PTPRT: variants seen among roughly 807,000 people sequenced by gnomAD.
PTPRT encodes protein tyrosine phosphatase receptor type T.
A neutral mutation model predicts 176.8 loss-of-function variants in PTPRT; 56 were observed. The observed-to-expected ratio is 0.32, with a 90% CI of 0.26 to 0.40. The LOEUF (loss-of-function observed/expected upper bound fraction) is 0.40, where lower values mean the gene tolerates loss of function less well. PTPRT is among the 10% of genes least tolerant of loss of function. The probability of loss-of-function intolerance (pLI) is 1.00; values close to 1 mark genes in which losing one functional copy is unlikely to be tolerated. For synonymous variants in PTPRT, 783 were observed against 739.0 expected, an observed-to-expected ratio of 1.06 and a Z score of -0.96; for missense variants, 1,540 against 1,908.2, an observed-to-expected ratio of 0.81 and a Z score of 3.60.
chr20:42,602,179 T>A (rs1354879173), intron 7 of PTPRT, among the ~76,000 whole-genome samples: 1 of 152,196 alleles, frequency 6.6e-6, no homozygotes, highest in Non-Finnish European at 1.5e-5. Flanking sequence ...TCTGGGCCAC[T>A]AACACATTCA....
At chr20:42,587,917 C>T (rs1191664385) in intron 7 of PTPRT, among the ~76,000 whole-genome samples, 1 of 152,148 alleles carries the variant, frequency 6.6e-6, no homozygotes, top group Non-Finnish European at 1.5e-5. Context: ...AAATTAGATG[C>T]CTTCTGAAGA....
chr20:42,697,454 T>C (rs1294912480), intron 6 of PTPRT, among the ~76,000 whole-genome samples: 1 of 152,214 alleles, frequency 6.6e-6, no homozygotes, highest in Non-Finnish European at 1.5e-5. Flanking sequence ...AAGGAAGACA[T>C]TAACTTGCAA....
intron 1 of PTPRT, among the ~76,000 whole-genome samples, chr20:42,955,268 C>A (rs762976648): frequency 2.6e-5 from 4 of 152,188 alleles, no homozygotes; most frequent in Non-Finnish European, 5.9e-5. Flanking sequence ...CTTGGTTACT[C>A]TAGGTTACTG....
At chr20:42,921,050 T>A (rs893400591) in intron 1 of PTPRT, among the ~76,000 whole-genome samples, 4 of 152,168 alleles carry the variant, frequency 2.6e-5, no homozygotes, top group African/African-American at 7.2e-5. Context: ...ATGCTCATGA[T>A]GAAATGTTAA....
At chr20:42,359,619 CT>C (rs1408713164) in intron 9 of PTPRT, among the ~76,000 whole-genome samples, 2 of 152,218 alleles carry the variant, frequency 1.3e-5, no homozygotes, top group African/African-American at 2.4e-5. Flanking sequence ...ACTTACCAAG[CT>C]TTAAGCGACT....
intron 2 of PTPRT, among the ~76,000 whole-genome samples, chr20:42,811,835 T>G (rs2077702340): frequency 6.6e-6 from 1 of 152,210 alleles, no homozygotes; most frequent in Non-Finnish European, 1.5e-5. Context: ...TCTGCATTCA[T>G]GAATCTTTTA....
the PTPRT span, among the ~76,000 whole-genome samples, chr20:42,044,152 G>A: frequency 2.2e-4 from 34 of 152,218 alleles, no homozygotes; most frequent in Non-Finnish European, 8.8e-5. Context: ...TTTCCCAGAA[G>A]GAGGGGTAAG....
At chr20:42,452,248 A>G (rs1260331665) in intron 8 of PTPRT, among the ~76,000 whole-genome samples, 2 of 151,224 alleles carry the variant, frequency 1.3e-5, no homozygotes, top group Non-Finnish European at 3.0e-5. Context: ...CAGCCTAGTG[A>G]CAGACTGAGA....
chr20:42,377,090 C>G (rs182453398), intron 9 of PTPRT, among the ~76,000 whole-genome samples: 1 of 152,298 alleles, frequency 6.6e-6, no homozygotes, highest in Admixed American at 6.5e-5. Context: ...CCTTTGATAA[C>G]TTGGATAAAT....
chr20:42,558,989 G>A (rs1003390791), intron 7 of PTPRT, among the ~76,000 whole-genome samples: 11 of 152,162 alleles, frequency 7.2e-5, no homozygotes, highest in Non-Finnish European at 1.5e-4. Context: ...TCAAGGCTGT[G>A]TGAGTTTTCT....
At chr20:42,559,159 A>T (rs1456433077) in intron 7 of PTPRT, among the ~76,000 whole-genome samples, 1 of 152,164 alleles carries the variant, frequency 6.6e-6, no homozygotes, top group Non-Finnish European at 1.5e-5. Context: ...ATCTATATAA[A>T]TTTCTGCAAA....
chr20:42,146,683 C>T (rs576000601), intron 17 of PTPRT, among the ~76,000 whole-genome samples: 1,818 of 152,286 alleles, frequency 0.012, 17 homozygotes, highest in Middle Eastern at 0.034. Flanking sequence ...GGTTTGTCCC[C>T]TCCAATCCAT....
chr20:42,664,969 A>C (rs1485006362), intron 7 of PTPRT, among the ~76,000 whole-genome samples: 6 of 152,366 alleles, frequency 3.9e-5, no homozygotes, highest in South Asian at 2.1e-4. Flanking sequence ...TAAAGACTTA[A>C]ATGTTAGATC....
intron 6 of PTPRT, among the ~76,000 whole-genome samples, chr20:42,742,912 G>A (rs1055470637): frequency 1.3e-5 from 2 of 152,132 alleles, no homozygotes; most frequent in African/African-American, 4.8e-5. Context: ...AGGTTTGCCT[G>A]CTTCTAAAGT....
rs2075367469 is a variant in PTPRT at position 42,668,943 on chromosome 20, C to G, written c.1153+8923G>C. On this transcript the variant is annotated intron_variant, in intron 7 of 30. Transcript: ENST00000373187. ...GCCAGGATGGTCTCGATCTCCTGAC[C>G]TCATGATCCGCCCGCCTCGGCCTCC... 5.4e-5 allele frequency among the ~76,000 whole-genome samples: 8 copies of G among 148,876 alleles called. No individual in the cohort carries two copies. In the South Asian group the frequency reaches 1.7e-3, roughly 32 times the overall value.
At chr20:42,575,267 A>C (rs1043037864) in intron 7 of PTPRT, among the ~76,000 whole-genome samples, 1 of 152,182 alleles carries the variant, frequency 6.6e-6, no homozygotes, top group African/African-American at 2.4e-5. Flanking sequence ...AAGCAAGGTC[A>C]AGGTTTTGGA....
intron 7 of PTPRT, among the ~76,000 whole-genome samples, chr20:42,572,620 A>G (rs1343042558): frequency 6.6e-6 from 1 of 152,190 alleles, no homozygotes; most frequent in East Asian, 1.9e-4. Context: ...GGCAAGGTCC[A>G]CTTCTCATGC....
chr20:42,915,551 C>T (rs1165880948), intron 1 of PTPRT, among the ~76,000 whole-genome samples: 1 of 152,222 alleles, frequency 6.6e-6, no homozygotes, highest in Non-Finnish European at 1.5e-5. Flanking sequence ...CTTAAGAGTA[C>T]TCCTCACAGC....
chr20:42,051,236 G>A, the PTPRT span, among the ~76,000 whole-genome samples: 1 of 152,190 alleles, frequency 6.6e-6, no homozygotes, highest in African/African-American at 2.4e-5. Context: ...CAGTGTGTCA[G>A]TGTGTCAGTG....
Sources: gnomAD v4.1 joint callset for allele counts (sites outside exome capture counted in the v4.1 genomes callset) on GRCh38, gnomAD v4.1.1 for gene constraint, MANE v1.5 for transcripts, NCBI Gene and HGNC (gene_info 2026-07-23, HGNC 2026-07-21) for gene names.